The following DENND4C variants were observed in gnomAD, a reference collection of about 807,000 sequenced individuals.
DENND4C encodes the protein DENN domain-containing protein 4C.
Under a neutral mutation model 203.0 loss-of-function variants are expected in DENND4C, and 108 were observed. That is an observed-to-expected ratio of 0.53 (90% CI 0.46 to 0.62). The LOEUF (loss-of-function observed/expected upper bound fraction) is 0.62, where lower values mean the gene tolerates loss of function less well. Ranked by LOEUF, DENND4C falls within the 20% of genes least tolerant of loss-of-function variation. The probability of loss-of-function intolerance (pLI) is 0.00; values close to 1 mark genes in which losing one functional copy is unlikely to be tolerated. For missense variants in DENND4C, 2,481 were observed against 2,301.2 expected, an observed-to-expected ratio of 1.08 and a Z score of -1.60; for synonymous variants, 871 against 792.4, an observed-to-expected ratio of 1.10 and a Z score of -1.67.
chr9:19,354,666 C>G (rs1269957457), intron 26 of DENND4C, among the ~76,000 whole-genome samples: 2 of 149,888 alleles, frequency 1.3e-5, no homozygotes, highest in African/African-American at 4.9e-5. Flanking sequence ...ATTCTCCTGC[C>G]TTAGCCTCCC....
intron 12 of DENND4C, among the ~76,000 whole-genome samples, chr9:19,319,412 A>T (rs868652410): frequency 1.4e-5 from 2 of 143,568 alleles, no homozygotes; most frequent in South Asian, 4.2e-4. Flanking sequence ...ATACACACAT[A>T]TATATATACA....
In DENND4C at chr9:19,242,678, C is replaced by T. The variant is rs146430525; in HGVS notation, c.-18+11845C>T. Among the ~76,000 whole-genome samples, 345 of 150,212 alleles carry T rather than the reference C, an allele frequency of 2.3e-3. 2 individuals are homozygous for T. The highest frequency in any genetic ancestry group is 8.2e-3 in the African/African-American group (334 of 40,798). On this transcript the variant is annotated intron_variant, in intron 1 of 32. Transcript: ENST00000434457. The stretch of plus-strand genomic sequence containing the variant: ...TCTTTTTTTTTTTTTGTTTTTGAGA[C>T]GGAGTCTCCATTTGTTAACCAGGCT...
chr9:19,312,284 G>A (rs1244722307), intron 10 of DENND4C, among the ~76,000 whole-genome samples: 1 of 151,952 alleles, frequency 6.6e-6, no homozygotes, highest in African/African-American at 2.4e-5. Context: ...TGTATTTTTT[G>A]TAGAGATGGG....
intron 3 of DENND4C, among the ~76,000 whole-genome samples, chr9:19,287,505 C>G (rs1252167376): frequency 3.3e-5 from 5 of 151,804 alleles, no homozygotes; most frequent in African/African-American, 1.2e-4. Flanking sequence ...CTTAGCCTCC[C>G]GAGTAGCTGG....
rs1829233428 is a variant in DENND4C at position 19,373,843 on chromosome 9, T to C, written c.*1670T>C. On this transcript the variant is annotated 3_prime_UTR_variant, in exon 33 of 33. Coordinates refer to ENST00000434457, the MANE Select transcript of DENND4C (RefSeq NM_001330640.2). ...ACTCCCTTCTACCTGATGTAACCAT[T>C]TACAAATTATAGTTATTGTACCAGT... Among the ~76,000 whole-genome samples, 1 of 152,108 alleles carries C rather than the reference T, an allele frequency of 6.6e-6. No homozygotes were observed. The highest frequency in any genetic ancestry group is 6.5e-5 in the Admixed American group (1 of 15,272).
rs946126665 is a variant in DENND4C at position 19,280,721 on chromosome 9, G to T, written c.305+4242G>T. 1.5e-4 allele frequency among the ~76,000 whole-genome samples: 22 copies of T among 150,358 alleles called. 2 individuals carry two copies. The highest frequency in any genetic ancestry group is 4.0e-4 in the Admixed American group (6 of 15,102). ...TCTTTTTTTTTTAATTAAAAAAATT[G>T]TTTTTTTTAATATATAAAAATAAGG... On this transcript the variant is annotated intron_variant, in intron 2 of 32. Coordinates refer to ENST00000434457, the MANE Select transcript of DENND4C (RefSeq NM_001330640.2).
At chr9:19,336,464 T>C in intron 19 of DENND4C, 50 bp downstream of exon 19, 1 of 1,560,420 alleles carries the variant, frequency 6.4e-7, no homozygotes, top group Non-Finnish European at 8.7e-7. Context: ...ATGAGCTTTA[T>C]AGGCATATGA....
chr9:19,243,226 A>G (rs151126751), intron 1 of DENND4C, among the ~76,000 whole-genome samples: 56 of 152,292 alleles, frequency 3.7e-4, no homozygotes, highest in South Asian at 8.3e-4. Flanking sequence ...TGGACATTTC[A>G]TAGAAATGAA....
At chr9:19,251,920 CCT>C (rs960467907) in intron 1 of DENND4C, among the ~76,000 whole-genome samples, 24 of 152,300 alleles carry the variant, frequency 1.6e-4, no homozygotes, top group Non-Finnish European at 3.2e-4. Context: ...CCCACATTTT[CCT>C]CTCTCCTTCT....
chr9:19,288,673 A>C lies in DENND4C; in HGVS notation c.628+8A>C, dbSNP rs916569556. The C allele has an allele frequency of 1.4e-4, 174 of 1,230,502 alleles. No homozygotes were observed. The highest frequency in any genetic ancestry group is 1.7e-4 in the Non-Finnish European group (165 of 986,728). 76.2% of individuals were successfully genotyped at this position (1,230,502 alleles called of 1,614,324 possible). A position where few individuals can be genotyped will look rare whatever the true frequency, so the allele number is the denominator to read the frequency against. ...CAATAGCATATAAGGCTGGTAAGTG[A>C]GTTAAAAAAAATTGTCTCAATTGCT... On this transcript the variant is annotated splice_region_variant and intron_variant, in intron 4 of 32. Transcript: ENST00000434457.
chr9:19,250,288 A>T (rs370935204), intron 1 of DENND4C, among the ~76,000 whole-genome samples: 3 of 152,276 alleles, frequency 2.0e-5, no homozygotes, highest in African/African-American at 7.2e-5. Context: ...TACTAAAAAT[A>T]CAAAAATTAG....
intron 1 of DENND4C, among the ~76,000 whole-genome samples, chr9:19,255,844 A>T (rs1827786428): frequency 6.6e-6 from 1 of 152,214 alleles, no homozygotes; most frequent in African/African-American, 2.4e-5. Context: ...GATGTAGTAG[A>T]CTTGTTACAA....
chr9:19,328,775 G>A (rs774337194), intron 16 of DENND4C, among the ~76,000 whole-genome samples: 12 of 151,818 alleles, frequency 7.9e-5, no homozygotes, highest in East Asian at 3.9e-4. Context: ...TTGGCCGGGC[G>A]CAGTGGCTCA....
intron 27 of DENND4C, 124 bp from the exon 28 acceptor site, chr9:19,357,841 T>C: frequency 1.3e-6 from 1 of 748,976 alleles, no homozygotes; most frequent in Non-Finnish European, 2.0e-6. Context: ...TCTTACAAGG[T>C]GGTGCTGATT....
intron 30 of DENND4C, among the ~76,000 whole-genome samples, chr9:19,363,986 C>T (rs1827079895): frequency 6.6e-6 from 1 of 152,154 alleles, no homozygotes; most frequent in African/African-American, 2.4e-5. Context: ...TGCACTCCAG[C>T]CTGGGCATCG....
At chr9:19,312,752 C>T (rs1208026829) in intron 10 of DENND4C, among the ~76,000 whole-genome samples, 1 of 152,136 alleles carries the variant, frequency 6.6e-6, no homozygotes, top group Admixed American at 6.5e-5. Flanking sequence ...GAGGGACACT[C>T]AAGTTCAAAA....
At chr9:19,325,324 C>T (rs987973282) in intron 13 of DENND4C, among the ~76,000 whole-genome samples, 1 of 151,906 alleles carries the variant, frequency 6.6e-6, no homozygotes, top group Non-Finnish European at 1.5e-5. Flanking sequence ...TGATTCTTGA[C>T]TTAGTTATAA....
chr9:19,347,026 G>A lies in DENND4C; in HGVS notation c.4257G>A (p.Ala1419=), dbSNP rs150546220. 22 of 1,613,972 alleles carry A rather than the reference G, an allele frequency of 1.4e-5. No individual in the cohort carries two copies. The highest frequency in any genetic ancestry group is 2.2e-5 in the East Asian group (1 of 44,898). ...DVLKSGMKQA[A]TVASKMWVAV... ...TGAAATCTGGTATGAAACAAGCAGC[G>A]ACAGTAGCCAGTAAGATGTGGGTAG... The change falls in exon 23 of 33, where the codon GCG becomes GCA. Residue 1419 remains alanine, a synonymous_variant. Transcript: ENST00000434457.
Position 19,299,223 on chromosome 9 carries a change from T to G in DENND4C, c.1108-6T>G. ...TTGGTTAATTTATCTTTTTTTTTTT[T>G]TTAAGCTGTCAGTCCATGATGCATT... On this transcript the variant is annotated splice_region_variant and splice_polypyrimidine_tract_variant and intron_variant, in intron 7 of 32. Coordinates refer to ENST00000434457, the MANE Select transcript of DENND4C (RefSeq NM_001330640.2). 1.9e-6 allele frequency: 3 copies of G among 1,563,784 alleles called. No homozygotes were observed. Among genetic ancestry groups the G allele is most frequent in the Non-Finnish European group, 2.6e-6 (3 of 1,162,624 alleles).
Sources: allele counts gnomAD v4.1 joint callset (sites outside exome capture counted in the v4.1 genomes callset), GRCh38; gene constraint gnomAD v4.1.1; transcripts MANE v1.5; gene names NCBI Gene and HGNC (gene_info 2026-07-23, HGNC 2026-07-21).